Variants in DOCK7 observed in about 807,000 individuals in gnomAD.
DOCK7 encodes the protein dedicator of cytokinesis protein 7.
In DOCK7, 138 loss-of-function variants were observed where a neutral mutation model predicts 271.0. The ratio of observed to expected loss-of-function variants is 0.51; its 90% CI spans 0.44 to 0.59. The LOEUF (loss-of-function observed/expected upper bound fraction) is 0.59. Ranked by LOEUF, DOCK7 falls within the 20% of genes least tolerant of loss-of-function variation. The pLI, the probability that DOCK7 is intolerant of heterozygous loss-of-function variation, is 0.00. For missense variants in DOCK7, 2,066 were observed against 2,592.4 expected (o/e 0.80, Z 4.41); for synonymous variants, 823 against 876.1 (o/e 0.94, Z 1.07).
At chr1:62,537,740 T>G (rs1645393290) in intron 28 of DOCK7, 151 bp downstream of exon 28, 1 of 673,296 alleles carries the variant, frequency 1.5e-6, no homozygotes, top group Non-Finnish European at 2.3e-6. Flanking sequence ...AGAGTTATTC[T>G]GAGGATTAAA....
chr1:62,504,549 T>A, intron 37 of DOCK7, 81 bp downstream of exon 37: 1 of 1,421,072 alleles, frequency 7.0e-7, no homozygotes, highest in Non-Finnish European at 9.4e-7. Flanking sequence ...CTCCATGCTC[T>A]CCCAAAAACT....
chr1:62,475,114 C>T, intron 47 of DOCK7, 94 bp downstream of exon 47: 11 of 1,357,564 alleles, frequency 8.1e-6, no homozygotes, highest in Non-Finnish European at 1.1e-5. Flanking sequence ...GAAGGCAGAT[C>T]CTTTTCATCT....
At chr1:62,485,492 C>T in intron 43 of DOCK7, 1 of 985,360 alleles carries the variant, frequency 1.0e-6, no homozygotes, top group African/African-American at 1.7e-5. Flanking sequence ...GTTATCAATT[C>T]AAAGAGCCTT....
At chr1:62,472,874 C>T (rs1645869663) in intron 48 of DOCK7, among the ~76,000 whole-genome samples, 1 of 152,168 alleles carries the variant, frequency 6.6e-6, no homozygotes, top group South Asian at 2.1e-4. Context: ...CACTAAGTCT[C>T]CAATGAGGTT....
intron 17 of DOCK7, among the ~76,000 whole-genome samples, chr1:62,577,981 T>C (rs900204931): frequency 3.3e-5 from 5 of 151,974 alleles, no homozygotes; most frequent in African/African-American, 9.7e-5. Flanking sequence ...CAGAGTGCAA[T>C]GGCATGATCT....
At chr1:62,476,329 G>A in intron 44 of DOCK7, 173 bp from the exon 45 acceptor site, 1 of 521,114 alleles carries the variant, frequency 1.9e-6, no homozygotes, top group Non-Finnish European at 3.4e-6. Flanking sequence ...TTATAAATTA[G>A]CATGGTCTCG....
chr1:62,571,358 T>C (rs555302076), intron 18 of DOCK7, among the ~76,000 whole-genome samples: 6 of 152,202 alleles, frequency 3.9e-5, no homozygotes, highest in African/African-American at 1.4e-4. Context: ...TGAGATACCA[T>C]CTCACACCAC....
At chr1:62,480,081 A>G (rs975138258) in intron 43 of DOCK7, among the ~76,000 whole-genome samples, 13 of 152,204 alleles carry the variant, frequency 8.5e-5, no homozygotes, top group African/African-American at 3.1e-4. Context: ...GAAGATAACA[A>G]TTAGGACTTG....
At chr1:62,608,368 C>G (rs1333657067) in intron 14 of DOCK7, 2 of 151,834 alleles carry the variant, frequency 1.3e-5, no homozygotes, top group Non-Finnish European at 2.9e-5. Context: ...TTAAACATCT[C>G]CTCTATGCCT....
At chr1:62,687,026 T>C (rs1008177991) in intron 1 of DOCK7, among the ~76,000 whole-genome samples, 2 of 152,126 alleles carry the variant, frequency 1.3e-5, no homozygotes, top group Admixed American at 6.5e-5. Context: ...GCGATCCTCC[T>C]GCCTCGGCCT....
chr1:62,553,985 G>C (rs542206333), intron 21 of DOCK7, among the ~76,000 whole-genome samples: 2 of 152,184 alleles, frequency 1.3e-5, no homozygotes, highest in Admixed American at 6.5e-5. Context: ...TCACTAGAGA[G>C]AGTGCCAATT....
chr1:62,659,851 T>A (rs897006387), intron 2 of DOCK7, among the ~76,000 whole-genome samples: 4 of 152,154 alleles, frequency 2.6e-5, no homozygotes, highest in African/African-American at 7.2e-5. Context: ...CAAGAGGACA[T>A]AGCAATCTTA....
rs898398334 is a variant in DOCK7 at position 62,513,858 on chromosome 1, C to T, written c.3977G>A (p.Arg1326Gln). ...CCAAAGTAGACAGATCAAAAGGCTT[C>T]GACTTGATTCTGCTGAAAAGGTAGT... ...QHTTFSAESS[R>Q]SLLICLLWVL... Residue 1326 changes from arginine to glutamine, a missense_variant, in exon 32 of 50, where the codon CGA (arginine) becomes CAA (glutamine). Physicochemically the swap from Arg to Gln is conservative, Grantham distance 43. This residue lies in a region of DOCK7 where 1,414 missense variants were observed against 1,670.4 expected (regional missense o/e 0.85). Transcript: ENST00000635253. 15 of 1,613,754 alleles carry T rather than the reference C, an allele frequency of 9.3e-6. No individual in the cohort carries two copies. In the African/African-American group the frequency reaches 1.2e-4, roughly 13 times the overall value.
intron 29 of DOCK7, among the ~76,000 whole-genome samples, chr1:62,531,470 C>T (rs1645173045): frequency 6.6e-6 from 1 of 152,282 alleles, no homozygotes; most frequent in South Asian, 2.1e-4. Flanking sequence ...TTCTTCAATA[C>T]TTCAAATAAT....
At chr1:62,551,063 G>T (rs942431325) in intron 22 of DOCK7, among the ~76,000 whole-genome samples, 17 of 152,096 alleles carry the variant, frequency 1.1e-4, no homozygotes. Flanking sequence ...CATTAAGCTG[G>T]CTAAGGAAGA....
chr1:62,539,645 A>G lies in DOCK7; in HGVS notation c.3200T>C (p.Val1067Ala), dbSNP rs768174598. ...VSRFQKDTEMVERLNTSLAFF... is the reference protein window; with the variant it reads ...VSRFQKDTEMAERLNTSLAFF... The stretch of plus-strand genomic sequence containing the variant: ...TGCAAGGCTTGTATTGAGTCTCTCA[A>G]CCATTTCTGTGTCCTGTGAAACAGA... The change falls in exon 27 of 50, where the codon GTT becomes GCT. Residue 1067 changes from valine to alanine, a missense_variant. Val to Ala is a moderately conservative substitution (Grantham distance 64, BLOSUM62 0). Transcript: ENST00000635253. 6.2e-7 allele frequency: 1 copy of G among 1,613,716 alleles called. No individual in the cohort carries two copies. The highest frequency in any genetic ancestry group is 8.5e-7 in the Non-Finnish European group (1 of 1,179,870).
At chr1:62,528,835 A>C (rs1474299500) in intron 30 of DOCK7, among the ~76,000 whole-genome samples, 1 of 152,212 alleles carries the variant, frequency 6.6e-6, no homozygotes. Flanking sequence ...TGTAGGTTCT[A>C]GTTTTGAAGA....
In DOCK7 at chr1:62,538,080, G is replaced by GT; in HGVS notation, c.3301-20dup. ...AAGACACCTTGTAAGCAATGCATAA[G>GT]TAAGAGAACACCAATTGAATCTATT... On this transcript the variant is annotated intron_variant, in intron 27 of 49. Transcript: ENST00000635253. 6.2e-7 allele frequency: 1 copy of GT among 1,602,098 alleles called. No individual in the cohort carries two copies. The highest frequency in any genetic ancestry group is 8.5e-7 in the Non-Finnish European group (1 of 1,173,416).
intron 2 of DOCK7, among the ~76,000 whole-genome samples, chr1:62,661,097 GAAAAAAAA>G (rs759373674): frequency 8.6e-6 from 1 of 116,532 alleles, no homozygotes; most frequent in African/African-American, 3.2e-5. Context: ...GAACCTGTCT[GAAAAAAAA>G]AAAAAAAGAT....
Sources: allele counts gnomAD v4.1 joint callset (sites outside exome capture counted in the v4.1 genomes callset), GRCh38; gene constraint gnomAD v4.1.1; regional missense constraint gnomAD v4.1.1; transcripts MANE v1.5; gene names NCBI Gene and HGNC (gene_info 2026-07-23, HGNC 2026-07-21).